Variants in UBR1 observed in about 807,000 individuals in gnomAD.
UBR1 encodes ubiquitin protein ligase E3 component n-recognin 1.
A neutral mutation model predicts 242.1 loss-of-function variants in UBR1; 102 were observed. That is an observed-to-expected ratio of 0.42 (90% CI 0.36 to 0.50). The LOEUF (loss-of-function observed/expected upper bound fraction) is 0.50. Among genes scored for constraint, UBR1 ranks in the 20% least tolerant of loss-of-function variants. UBR1 has a pLI of 0.01. For synonymous variants in UBR1, 675 were observed against 684.8 expected, an observed-to-expected ratio of 0.99 and a Z score of 0.22; for missense variants, 1,772 against 2,101.8, an observed-to-expected ratio of 0.84 and a Z score of 3.07.
At chr15:43,014,683 C>CA (rs2032984255) in intron 29 of UBR1, among the ~76,000 whole-genome samples, 1 of 152,014 alleles carries the variant, frequency 6.6e-6, no homozygotes, top group Non-Finnish European at 1.5e-5. Context: ...CTCCGCCCAG[C>CA]AGCCACCCCA....
At chr15:43,057,997 C>T (rs2033639263) in intron 10 of UBR1, among the ~76,000 whole-genome samples, 1 of 151,936 alleles carries the variant, frequency 6.6e-6, no homozygotes, top group South Asian at 2.1e-4. Context: ...GCAACCTCTG[C>T]CTCTCAGGTT....
chr15:43,035,482 T>C (rs1454737803), intron 19 of UBR1, among the ~76,000 whole-genome samples: 4 of 151,820 alleles, frequency 2.6e-5, no homozygotes, highest in Non-Finnish European at 5.9e-5. Context: ...TTGTTTGTTT[T>C]TTTCTTGTAA....
Position 43,024,869 on chromosome 15 carries a change from T to C in UBR1, c.2699A>G (p.Asp900Gly), listed in dbSNP as rs780456002. Residue 900 changes from aspartate (D) to glycine (G), a missense_variant, in exon 25 of 47, where the codon GAC becomes GGC. Physicochemically the swap from Asp to Gly is moderately conservative, Grantham distance 94. Around this residue, in one of 3 missense-constraint regions of UBR1, gnomAD observed 965 missense variants for 1,079.7 expected, o/e 0.89. Transcript: ENST00000290650. ...ILRTVFERAI[D>G]TDSNLWTEGM... ...TTCGGTCCACAAGTTAGAATCTGTG[T>C]CTATTGCCCGCTCAAATACGGTCCT... The C allele has an allele frequency of 3.8e-5, 62 of 1,614,058 alleles. No individual in the cohort carries two copies. The highest frequency in any genetic ancestry group is 5.1e-5 in the Non-Finnish European group (60 of 1,180,038).
intron 6 of UBR1, among the ~76,000 whole-genome samples, chr15:43,062,568 A>G (rs1371600529): frequency 6.6e-6 from 1 of 152,150 alleles, no homozygotes; most frequent in East Asian, 1.9e-4. Flanking sequence ...AAAGATTAAA[A>G]TGGTAAATTT....
In UBR1 at chr15:43,037,659, A is replaced by G. The variant is rs771375257; in HGVS notation, c.2022+114T>C. ...ACTTTCATTTCTAGGAGTTTATACA[A>G]GAGAATAGTAACATACACTCAGTAA... On this transcript the variant is annotated intron_variant, in intron 17 of 46. Coordinates refer to ENST00000290650, the MANE Select transcript of UBR1 (RefSeq NM_174916.3). The G allele has an allele frequency of 3.3e-5, 28 of 861,464 alleles. No homozygotes were observed. The South Asian group carries it at 4.1e-4, about 13-fold the overall frequency. The allele number at this position is 861,464 out of a possible 1,614,324, so 53.4% of individuals were successfully genotyped here.
At chr15:43,026,415 T>C (rs978340962) in intron 23 of UBR1, 146 bp downstream of exon 23, 1 of 649,900 alleles carries the variant, frequency 1.5e-6, no homozygotes, top group Admixed American at 2.6e-5. Flanking sequence ...GATAAGATTA[T>C]TGATTCAATT....
chr15:43,017,033 C>A, intron 28 of UBR1, 62 bp downstream of exon 28: 1 of 1,340,572 alleles, frequency 7.5e-7, no homozygotes, highest in South Asian at 1.2e-5. Context: ...TCCCTTATAC[C>A]AGTAAAGTTC....
Position 43,074,967 on chromosome 15 carries a change from T to C in UBR1, c.528+12A>G, listed in dbSNP as rs1182733540. The C allele has an allele frequency of 8.2e-6, 13 of 1,587,448 alleles. No homozygotes were observed. The highest frequency in any genetic ancestry group is 1.1e-5 in the South Asian group (1 of 90,536). ...AAATAGTTAACAATTTTTAACAAAA[T>C]AGCATTCTTACCTCTTTTATAGTAC... On this transcript the variant is annotated intron_variant, in intron 4 of 46. Coordinates refer to ENST00000290650, the MANE Select transcript of UBR1 (RefSeq NM_174916.3).
chr15:42,990,191 T>C, intron 33 of UBR1, 71 bp from the exon 34 acceptor site: 6 of 1,098,718 alleles, frequency 5.5e-6, no homozygotes, highest in Non-Finnish European at 6.7e-6. Context: ...TTTCTAGCAT[T>C]TATTTATTTA....
At chr15:43,080,883 G>A (rs1286026790) in intron 3 of UBR1, among the ~76,000 whole-genome samples, 2 of 152,056 alleles carry the variant, frequency 1.3e-5, no homozygotes, top group Non-Finnish European at 2.9e-5. Flanking sequence ...CACAGGAGGT[G>A]GAGGTTACAG....
intron 1 of UBR1, among the ~76,000 whole-genome samples, chr15:43,101,554 G>A (rs1490092576): frequency 6.6e-6 from 1 of 152,134 alleles, no homozygotes; most frequent in Admixed American, 6.6e-5. Flanking sequence ...CCAAGGCCAG[G>A]TGCGATGGCT....
At chr15:43,028,823 C>T (rs12913213) in intron 21 of UBR1, among the ~76,000 whole-genome samples, 81,283 of 151,138 alleles carry the variant, frequency 0.54, 26,546 homozygotes, top group Non-Finnish European at 0.7. Context: ...GTACATCACA[C>T]CTGTAATTCC....
intron 46 of UBR1, among the ~76,000 whole-genome samples, chr15:42,946,648 C>A (rs918603059): frequency 6.6e-6 from 1 of 152,154 alleles, no homozygotes; most frequent in South Asian, 2.1e-4. Context: ...TTCAAAGGAA[C>A]AAAATTTCAG....
At chr15:43,019,055 A>C (rs1485822072) in intron 27 of UBR1, among the ~76,000 whole-genome samples, 1 of 152,182 alleles carries the variant, frequency 6.6e-6, no homozygotes, top group Non-Finnish European at 1.5e-5. Context: ...AAGAATTTTA[A>C]TAATATCACT....
chr15:43,085,097 A>C (rs1029754720), intron 2 of UBR1, among the ~76,000 whole-genome samples: 2 of 152,244 alleles, frequency 1.3e-5, no homozygotes, highest in African/African-American at 4.8e-5. Flanking sequence ...CTACAGGTTC[A>C]AAATCCCTTA....
chr15:42,977,012 C>A, intron 38 of UBR1, 145 bp from the exon 39 acceptor site: 1 of 926,422 alleles, frequency 1.1e-6, no homozygotes, highest in Non-Finnish European at 1.7e-6. Flanking sequence ...CTTATTTATT[C>A]AATAGAATAT....
intron 37 of UBR1, among the ~76,000 whole-genome samples, chr15:42,982,197 C>A (rs576680037): frequency 6.6e-6 from 1 of 152,206 alleles, no homozygotes; most frequent in Non-Finnish European, 1.5e-5. Context: ...CATTGTAAAT[C>A]CCATAATGTT....
In UBR1 at chr15:42,977,879, C is replaced by A. The variant is rs772631447; in HGVS notation, c.4218+1G>T. ...CTTAAACAAAATTACTGAACACTTACCAAAACATGAAACAGATCTATAGAC... is the reference window on the plus strand; with the variant it reads ...CTTAAACAAAATTACTGAACACTTAACAAAACATGAAACAGATCTATAGAC... On this transcript the variant is annotated splice_donor_variant, in intron 38 of 46. Transcript: ENST00000290650. LOFTEE classifies it high-confidence loss of function. 1 of 1,611,806 alleles carries A rather than the reference C, an allele frequency of 6.2e-7. No homozygotes were observed. Among genetic ancestry groups the A allele is most frequent in the Non-Finnish European group, 8.5e-7 (1 of 1,178,302 alleles).
chr15:43,069,941 C>T (rs1015639134), intron 5 of UBR1, among the ~76,000 whole-genome samples: 55 of 152,230 alleles, frequency 3.6e-4, no homozygotes, highest in African/African-American at 1.3e-3. Flanking sequence ...ACATTTATTT[C>T]CACAAGTGGT....
Sources: gnomAD v4.1 joint callset for allele counts (sites outside exome capture counted in the v4.1 genomes callset) on GRCh38, gnomAD v4.1.1 for gene constraint, gnomAD v4.1.1 regional missense constraint, MANE v1.5 for transcripts, NCBI Gene and HGNC (gene_info 2026-07-23, HGNC 2026-07-21) for gene names.